ZNF236: variants seen among roughly 807,000 people sequenced by gnomAD.
ZNF236 encodes the protein zinc finger protein 236, also known as regulated by glucose.
A neutral mutation model predicts 191.2 loss-of-function variants in ZNF236; 50 were observed. The ratio of observed to expected loss-of-function variants is 0.26; its 90% confidence interval spans 0.21 to 0.33. ZNF236 has a LOEUF of 0.33. Ranked by LOEUF, ZNF236 falls within the 10% of genes least tolerant of loss-of-function variation. The pLI, the probability that ZNF236 is intolerant of heterozygous loss-of-function variation, is 1.00. For synonymous variants in ZNF236, 907 were observed against 928.8 expected, an observed-to-expected ratio of 0.98 and a Z score of 0.43; for missense variants, 1,754 against 2,374.5, an observed-to-expected ratio of 0.74 and a Z score of 5.43.
intron 14 of ZNF236, among the ~76,000 whole-genome samples, chr18:76,909,096 T>A (rs976654689): frequency 6.6e-6 from 1 of 151,866 alleles, no homozygotes. Flanking sequence ...GGCAGGTGGA[T>A]CACTTGAGGT....
intron 9 of ZNF236, 146 bp from the exon 10 acceptor site, chr18:76,894,867 C>G: frequency 1.8e-6 from 2 of 1,117,814 alleles, no homozygotes; most frequent in Non-Finnish European, 2.6e-6. Context: ...AACTCCTAGC[C>G]CTCGATAATG....
At position 76,925,013 on chromosome 18, in the gene ZNF236, A is replaced by G. The variant is rs535461764; in HGVS notation, c.3662-176A>G. 2.0e-5 allele frequency among the ~76,000 whole-genome samples: 3 copies of G among 152,376 alleles called. No homozygotes were observed. Among genetic ancestry groups the G allele is most frequent in the African/African-American group, 4.8e-5 (2 of 41,582 alleles). Reference sequence around the variant, plus strand: ...TAAACAATACACTGTTAAATTTACAATACTGCAGCAATTGCCTGTGACGTC... The same window carrying G: ...TAAACAATACACTGTTAAATTTACAGTACTGCAGCAATTGCCTGTGACGTC... On this transcript the variant is annotated intron_variant, in intron 21 of 30. Coordinates refer to ENST00000320610, the MANE Select transcript of ZNF236 (RefSeq NM_001306089.2). This position sits in a 1 kb window ranked among gnomAD's most constrained non-coding sequence, Gnocchi z 5.7.
chr18:76,954,938 TTTG>T (rs770118803), intron 27 of ZNF236, among the ~76,000 whole-genome samples: 50 of 152,354 alleles, frequency 3.3e-4, no homozygotes, highest in Non-Finnish European at 6.2e-4. Context: ...ATAAATCTTT[TTTG>T]TTGTTTAAGT....
rs200466079 is a variant in ZNF236 at position 76,895,040 on chromosome 18, G to T, written c.1445G>T (p.Arg482Leu). Residue 482 changes from arginine (R) to leucine (L), a missense_variant, in exon 10 of 31, where the codon CGC (arginine) becomes CTC (leucine). By Grantham distance (102) the Arg-to-Leu change is moderately radical. Around this residue, in one of 5 missense-constraint regions of ZNF236, gnomAD observed 126 missense variants for 110.9 expected, o/e 1.14. Coordinates refer to ENST00000320610, the MANE Select transcript of ZNF236 (RefSeq NM_001306089.2). ...TCCATCCGCGAGGAGAACGGCGTGC[G>T]CTGGCATGTGTGTCCCTACTGCGCC... ...PGSIREENGV[R>L]WHVCPYCAKE... The T allele has an allele frequency of 1.2e-6, 2 of 1,610,738 alleles. No homozygotes were observed. Among genetic ancestry groups the T allele is most frequent in the African/African-American group, 1.3e-5 (1 of 75,058 alleles).
chr18:76,881,370 C>A lies in ZNF236; in HGVS notation c.1275C>A (p.His425Gln), dbSNP rs554351271. The change falls in exon 9 of 31, where the codon CAC becomes CAA. Residue 425 changes from histidine (H) to glutamine (Q), a missense_variant. By Grantham distance (24) the His-to-Gln change is conservative (BLOSUM62 0). Transcript: ENST00000320610. ...GCCATGCCAAGACCTCTGCACCACA[C>A]GCTCAAAACCCAGATGTTTCCAGCG... is the stretch of plus-strand genomic sequence containing the variant. ...DSCHAKTSAP[H>Q]AQNPDVSSVS... 6.2e-7 allele frequency: 1 copy of A among 1,614,106 alleles called. No homozygotes were observed. The highest frequency in any genetic ancestry group is 1.7e-5 in the Admixed American group (1 of 60,010).
chr18:76,843,526 C>T lies in ZNF236; in HGVS notation c.56-6000C>T, dbSNP rs926135743. Among the ~76,000 whole-genome samples, 8 of 151,522 alleles carry T rather than the reference C, an allele frequency of 5.3e-5. No homozygotes were observed. The East Asian group carries it at 1.4e-3, about 26-fold the overall frequency. ...GGCACAGTGGCTCACGCCTGTAATC[C>T]CAGCACTTTGGGAGGCAGAGGTGGG... On this transcript the variant is annotated intron_variant, in intron 1 of 30. Transcript: ENST00000320610.
chr18:76,902,381 G>A (rs972390443), intron 11 of ZNF236, among the ~76,000 whole-genome samples: 5 of 152,180 alleles, frequency 3.3e-5, no homozygotes, highest in African/African-American at 1.2e-4. Context: ...GTAAGTGAAA[G>A]TAGAATGCTC....
At chr18:76,862,936 A>G (rs1429732477) in intron 3 of ZNF236, among the ~76,000 whole-genome samples, 1 of 152,232 alleles carries the variant, frequency 6.6e-6, no homozygotes, top group Non-Finnish European at 1.5e-5. Flanking sequence ...ATTACCTGAC[A>G]AGTACTTTAA....
chr18:76,846,399 A>G (rs1266805331), intron 1 of ZNF236, among the ~76,000 whole-genome samples: 1 of 152,220 alleles, frequency 6.6e-6, no homozygotes, highest in Admixed American at 6.5e-5. Context: ...GCAGAAGGAA[A>G]GCAAGCGAAG....
Position 76,972,518 on chromosome 18 carries a change from A to G in ZNF236, c.*4179A>G, listed in dbSNP as rs948847427. Among the ~76,000 whole-genome samples, 8 of 152,278 alleles carry G rather than the reference A, an allele frequency of 5.3e-5. No homozygotes were observed. Among genetic ancestry groups the G allele is most frequent in the Admixed American group, 4.6e-4 (7 of 15,300 alleles). Reference sequence around the variant, plus strand: ...CACAGGCATCGGGGCAGTTCTTTATATGGATGACTAACAACTAAGAAAAAA... The same window carrying G: ...CACAGGCATCGGGGCAGTTCTTTATGTGGATGACTAACAACTAAGAAAAAA... On this transcript the variant is annotated 3_prime_UTR_variant, in exon 31 of 31. Coordinates refer to ENST00000320610, the MANE Select transcript of ZNF236 (RefSeq NM_001306089.2).
At chr18:76,849,819 G>C (rs1272891133) in intron 2 of ZNF236, 151 bp downstream of exon 2, 3 of 689,132 alleles carry the variant, frequency 4.4e-6, no homozygotes, top group African/African-American at 3.7e-5. Context: ...CTTTTTAAAA[G>C]TTGTAGTTGT....
intron 27 of ZNF236, among the ~76,000 whole-genome samples, chr18:76,949,044 G>GT (rs1164770586): frequency 6.6e-6 from 1 of 152,194 alleles, no homozygotes; most frequent in African/African-American, 2.4e-5. Flanking sequence ...CTCAGGCCTG[G>GT]TGAGGTAACT....
chr18:76,922,063 A>T (rs190108966), intron 20 of ZNF236, among the ~76,000 whole-genome samples: 3 of 152,170 alleles, frequency 2.0e-5, no homozygotes, highest in African/African-American at 7.2e-5. Context: ...AAATTTTTAC[A>T]TATCAATGAG....
rs1036179350 is a variant in ZNF236, at chr18:76,949,859, A to G, written c.4914+2207A>G. On this transcript the variant is annotated intron_variant, in intron 27 of 30. Transcript: ENST00000320610. The stretch of plus-strand genomic sequence containing the variant: ...TTTTTAGTAGAGATGGGATTTTGCC[A>G]TGTTGCCAGGCTGGTCTCAAACTCC... Among the ~76,000 whole-genome samples, 5 of 152,064 alleles carry G rather than the reference A, an allele frequency of 3.3e-5. No homozygotes were observed. In the South Asian group the frequency reaches 6.2e-4, roughly 19 times the overall value.
At chr18:76,928,189 C>A (rs1967758379) in intron 25 of ZNF236, 83 bp downstream of exon 25, 1 of 1,134,790 alleles carries the variant, frequency 8.8e-7, no homozygotes, top group Non-Finnish European at 1.2e-6. Context: ...CTACAATACT[C>A]TGCTGTGCAT....
intron 1 of ZNF236, among the ~76,000 whole-genome samples, chr18:76,846,985 G>T (rs775602920): frequency 4.6e-5 from 7 of 151,988 alleles, no homozygotes; most frequent in Non-Finnish European, 8.8e-5. Context: ...CGCAGAGGGG[G>T]TATCACTATG....
At chr18:76,956,244 A>G in intron 28 of ZNF236, 62 bp downstream of exon 28, 1 of 1,520,764 alleles carries the variant, frequency 6.6e-7, no homozygotes, top group Non-Finnish European at 8.8e-7. Flanking sequence ...TGCGGAGTCC[A>G]AGATTTAACA....
In ZNF236 at chr18:76,910,779, C is replaced by T. The variant is rs778606223; in HGVS notation, c.2773C>T (p.Leu925=). The T allele has an allele frequency of 3.1e-6, 5 of 1,614,162 alleles. No individual in the cohort carries two copies. The South Asian group carries it at 3.3e-5, about 11-fold the overall frequency. The change falls in exon 16 of 31, where the codon CTG becomes TTG. Residue 925 remains leucine, a synonymous_variant. Transcript: ENST00000320610. ...CACAAGCTTCCACCAGCAGAGCTTG[C>T]TGCAGGCTCCCAGCTCTGATGGGAT... is the stretch of plus-strand genomic sequence containing the variant. The part of the protein sequence containing the change: ...LSTSFHQQSL[L]QAPSSDGMNV...
chr18:76,837,684 C>T (rs867401152), intron 1 of ZNF236, among the ~76,000 whole-genome samples: 24 of 152,032 alleles, frequency 1.6e-4, no homozygotes, highest in African/African-American at 5.1e-4. Context: ...TCAGTCAATC[C>T]GCCCGCCTAG....
Sources: allele counts gnomAD v4.1 joint callset (sites outside exome capture counted in the v4.1 genomes callset), GRCh38; gene constraint gnomAD v4.1.1; regional missense constraint gnomAD v4.1.1; non-coding constraint Gnocchi (gnomAD v3.1); transcripts MANE v1.5; gene names NCBI Gene and HGNC (gene_info 2026-07-23, HGNC 2026-07-21).